Variants in DLG2 observed in about 807,000 individuals in gnomAD.
DLG2 encodes disks large homolog 2.
DLG2 carries 45 observed loss-of-function variants against 132.5 expected under a neutral mutation model. That is an observed-to-expected ratio of 0.34 (90% CI 0.27 to 0.44). DLG2 has a LOEUF of 0.44. Ranked by LOEUF, DLG2 falls within the 20% of genes least tolerant of loss-of-function variation. The pLI, the probability that DLG2 is intolerant of heterozygous loss-of-function variation, is 1.00. For synonymous variants in DLG2, 424 were observed against 419.6 expected (o/e 1.01, Z -0.13); for missense variants, 1,045 against 1,196.9 (o/e 0.87, Z 1.87).
intron 4 of DLG2, among the ~76,000 whole-genome samples, chr11:85,202,303 G>A (rs1275918636): frequency 6.6e-6 from 1 of 152,052 alleles, no homozygotes; most frequent in East Asian, 1.9e-4. Context: ...GATTCTCAAA[G>A]CTGTGAGACA....
intron 11 of DLG2, among the ~76,000 whole-genome samples, chr11:84,009,130 C>A (rs1254373230): frequency 6.6e-6 from 1 of 151,766 alleles, no homozygotes; most frequent in Non-Finnish European, 1.5e-5. Context: ...TAGCTTTTAA[C>A]TATGGTTTCT....
intron 17 of DLG2, among the ~76,000 whole-genome samples, chr11:83,825,182 T>A (rs1555012627): frequency 0.12 from 8,991 of 77,390 alleles, 224 homozygotes; most frequent in South Asian, 0.19. Flanking sequence ...TTTTTTTTTT[T>A]TTTTTTTTTT....
In DLG2 at chr11:84,359,947, TAAGAC is replaced by T. The variant is rs1279797723; in HGVS notation, c.520-108661_520-108657del. Among the ~76,000 whole-genome samples, 9 of 152,074 alleles carry T rather than the reference TAAGAC, an allele frequency of 5.9e-5. No homozygotes were observed. The East Asian group carries it at 1.7e-3, about 29-fold the overall frequency. ...CTGATATATTTGATGAGTTAATTCT[TAAGAC>T]TAGAGAAAAAAATAGCTTCTAAAAC... On this transcript the variant is annotated intron_variant, in intron 7 of 27. Transcript: ENST00000376104.
At position 85,129,594 on chromosome 11, in the gene DLG2, G is replaced by A. The variant is rs184719703; in HGVS notation, c.283-17859C>T. Among the ~76,000 whole-genome samples, 462 of 152,260 alleles carry A rather than the reference G, an allele frequency of 3.0e-3. 1 individual carries two copies. The highest frequency in any genetic ancestry group is 4.8e-3 in the Non-Finnish European group (323 of 67,996). ...CAACAGAATGTGGAGAAATAGGAACGCTTTTACACTGTTGGTGGAAGTGTA... is the reference window on the plus strand; with the variant it reads ...CAACAGAATGTGGAGAAATAGGAACACTTTTACACTGTTGGTGGAAGTGTA... On this transcript the variant is annotated intron_variant, in intron 5 of 27. Coordinates refer to ENST00000376104, the MANE Select transcript of DLG2 (RefSeq NM_001142699.3).
At chr11:85,475,352 A>T (rs976014950) in intron 3 of DLG2, among the ~76,000 whole-genome samples, 2 of 152,004 alleles carry the variant, frequency 1.3e-5, no homozygotes, top group Admixed American at 6.6e-5. Flanking sequence ...TAGAAAAAAA[A>T]TTAAATTCTA....
At chr11:84,068,632 TA>T (rs2096713364) in intron 10 of DLG2, among the ~76,000 whole-genome samples, 1 of 152,192 alleles carries the variant, frequency 6.6e-6, no homozygotes, top group African/African-American at 2.4e-5. Context: ...TACATTTTAG[TA>T]TAAGTATGTT....
intron 7 of DLG2, among the ~76,000 whole-genome samples, chr11:84,381,046 CAT>C (rs2098747533): frequency 6.6e-6 from 1 of 151,674 alleles, no homozygotes; most frequent in African/African-American, 2.4e-5. Flanking sequence ...AAAAGGGAGA[CAT>C]ATCAAGATAG....
intron 22 of DLG2, among the ~76,000 whole-genome samples, chr11:83,479,601 T>C (rs575241131): frequency 2.6e-5 from 4 of 152,178 alleles, no homozygotes; most frequent in African/African-American, 7.2e-5. Context: ...AGTAAGTAGG[T>C]GGTAAAAAAC....
chr11:84,133,394 T>C (rs2094489426), intron 9 of DLG2, among the ~76,000 whole-genome samples: 2 of 152,168 alleles, frequency 1.3e-5, no homozygotes, highest in South Asian at 2.1e-4. Flanking sequence ...CTGGTAGAAG[T>C]ATCATCTCAA....
At position 84,214,163 on chromosome 11, in the gene DLG2, G is replaced by C. The variant is rs563191905; in HGVS notation, c.573+37075C>G. On this transcript the variant is annotated intron_variant, in intron 8 of 27. Transcript: ENST00000376104. ...TTTCAAATACTAACCTGAAAGTTCA[G>C]CTATCAATTCAGAGCCAAAACTAGG... 1.7e-3 allele frequency among the ~76,000 whole-genome samples: 231 copies of C among 139,654 alleles called. 1 individual carries two copies. The highest frequency in any genetic ancestry group is 2.7e-3 in the Non-Finnish European group (181 of 67,240). The allele number at this position is 139,654 out of a possible 152,430, so 91.6% of individuals were successfully genotyped here. A position where few individuals can be genotyped will look rare whatever the true frequency, so the allele number is the denominator to read the frequency against.
intron 7 of DLG2, among the ~76,000 whole-genome samples, chr11:84,388,700 T>A (rs1469621739): frequency 6.7e-6 from 1 of 149,068 alleles, no homozygotes; most frequent in African/African-American, 2.5e-5. Context: ...ATGTGATAAA[T>A]GTGATAAAAA....
intron 3 of DLG2, among the ~76,000 whole-genome samples, chr11:85,420,053 T>G (rs945009537): frequency 3.3e-5 from 5 of 152,246 alleles, no homozygotes; most frequent in African/African-American, 1.2e-4. Context: ...TGCTGGTTTT[T>G]CCCCATTTTC....
intron 6 of DLG2, among the ~76,000 whole-genome samples, chr11:84,988,205 C>T (rs1488908076): frequency 6.6e-6 from 1 of 152,140 alleles, no homozygotes; most frequent in Non-Finnish European, 1.5e-5. Context: ...CCACCTTACT[C>T]CTGCAAGAAT....
At chr11:84,888,225 T>G (rs1300362152) in intron 6 of DLG2, among the ~76,000 whole-genome samples, 1 of 152,106 alleles carries the variant, frequency 6.6e-6, no homozygotes, top group African/African-American at 2.4e-5. Flanking sequence ...CGGAGTAAAT[T>G]AGCATTTGAA....
chr11:84,183,333 A>G (rs1351573553), intron 8 of DLG2, among the ~76,000 whole-genome samples: 1 of 152,186 alleles, frequency 6.6e-6, no homozygotes, highest in Non-Finnish European at 1.5e-5. Flanking sequence ...TAAGTTCATC[A>G]GTTGTAACAA....
intron 6 of DLG2, among the ~76,000 whole-genome samples, chr11:84,799,418 A>G (rs983925041): frequency 1.3e-5 from 2 of 152,268 alleles, no homozygotes; most frequent in South Asian, 4.1e-4. Flanking sequence ...GGGGTGGAAG[A>G]GGGGTGTCTT....
intron 11 of DLG2, among the ~76,000 whole-genome samples, chr11:83,980,876 T>C (rs1453902247): frequency 6.6e-6 from 1 of 152,216 alleles, no homozygotes; most frequent in Non-Finnish European, 1.5e-5. Flanking sequence ...TTTTGTTCTA[T>C]TTCCAGACTG....
chr11:85,450,207 T>C (rs142107429), intron 3 of DLG2, among the ~76,000 whole-genome samples: 1 of 152,310 alleles, frequency 6.6e-6, no homozygotes, highest in African/African-American at 2.4e-5. Flanking sequence ...AGAGCAGATA[T>C]TTCTATTGTT....
At chr11:84,501,583 A>G (rs1199664515) in intron 7 of DLG2, among the ~76,000 whole-genome samples, 1 of 152,174 alleles carries the variant, frequency 6.6e-6, no homozygotes, top group Non-Finnish European at 1.5e-5. Context: ...AGAAGAAAAA[A>G]TTTATTACCC....
Sources: gnomAD v4.1 joint callset for allele counts (sites outside exome capture counted in the v4.1 genomes callset) on GRCh38, gnomAD v4.1.1 for gene constraint, MANE v1.5 for transcripts, NCBI Gene and HGNC (gene_info 2026-07-23, HGNC 2026-07-21) for gene names.